The following DSCAM variants were observed in gnomAD, a reference collection of about 807,000 sequenced individuals.
DSCAM encodes DS cell adhesion molecule, also known as cell adhesion molecule DSCAM.
DSCAM carries 47 observed loss-of-function variants against 217.7 expected under a neutral mutation model. That is an observed-to-expected ratio of 0.22 (90% CI 0.17 to 0.28). The LOEUF is 0.28. DSCAM is among the 10% of genes least tolerant of loss of function. DSCAM has a pLI of 1.00. For missense variants in DSCAM, 2,080 were observed against 2,618.3 expected (o/e 0.79, Z 4.49); for synonymous variants, 1,056 against 1,015.3 (o/e 1.04, Z -0.76).
intron 3 of DSCAM, among the ~76,000 whole-genome samples, chr21:40,480,305 C>A (rs1455204767): frequency 1.3e-5 from 2 of 152,184 alleles, no homozygotes; most frequent in Non-Finnish European, 2.9e-5. Context: ...ATCACTAACA[C>A]ATGAGATAAA....
At chr21:40,303,361 G>T (rs1342685292) in intron 9 of DSCAM, among the ~76,000 whole-genome samples, 2 of 151,896 alleles carry the variant, frequency 1.3e-5, no homozygotes, top group African/African-American at 2.4e-5. Flanking sequence ...TCTCTGCTTG[G>T]AACTCGCTTC....
At chr21:40,501,888 C>CGGCTAAT (rs1432032932) in intron 3 of DSCAM, among the ~76,000 whole-genome samples, 1 of 152,200 alleles carries the variant, frequency 6.6e-6, no homozygotes, top group Non-Finnish European at 1.5e-5. Flanking sequence ...GCCACAGCGC[C>CGGCTAAT]GGCTAATGGA....
chr21:40,053,679 ATT>A (rs1290073011), intron 29 of DSCAM, among the ~76,000 whole-genome samples: 1 of 152,166 alleles, frequency 6.6e-6, no homozygotes, highest in African/African-American at 2.4e-5. Flanking sequence ...CCATCGACCC[ATT>A]GTCAGGCATC....
At chr21:40,262,684 T>C (rs1334905820) in intron 11 of DSCAM, among the ~76,000 whole-genome samples, 1 of 152,190 alleles carries the variant, frequency 6.6e-6, no homozygotes, top group East Asian at 1.9e-4. Context: ...CTTTAGCTCA[T>C]GACAAGAATA....
rs1490666344 is a variant in DSCAM at position 40,780,421 on chromosome 21, G to GTATATATA, written c.43+66197_43+66198insTATATATA. On this transcript the variant is annotated intron_variant, in intron 1 of 32. Coordinates refer to ENST00000400454, the MANE Select transcript of DSCAM (RefSeq NM_001389.5). ...AACGTGTGTGTGTGTGTGTGTGTGT[G>GTATATATA]TGTATATATATATATATATATATAT... Among the ~76,000 whole-genome samples, 6 of 48,038 alleles carry GTATATATA rather than the reference G, an allele frequency of 1.2e-4. No homozygotes were observed. In the East Asian group the frequency reaches 1.9e-3, roughly 15 times the overall value. The allele number at this position is 48,038 out of a possible 152,430, so 31.5% of individuals were successfully genotyped here.
chr21:40,224,841 A>T (rs409826), intron 11 of DSCAM, among the ~76,000 whole-genome samples: 84,182 of 152,098 alleles, frequency 0.55, 25,208 homozygotes, highest in African/African-American at 0.79. Flanking sequence ...GCCAGTGAAT[A>T]TTCAAGTTAA....
chr21:40,819,442 A>C (rs1287231677), intron 1 of DSCAM, among the ~76,000 whole-genome samples: 2 of 152,224 alleles, frequency 1.3e-5, no homozygotes, highest in African/African-American at 4.8e-5. Context: ...CTCAGGAAAC[A>C]ACAAGGGCCA....
At chr21:40,196,439 G>A (rs2091009817) in intron 11 of DSCAM, among the ~76,000 whole-genome samples, 1 of 152,148 alleles carries the variant, frequency 6.6e-6, no homozygotes, top group Non-Finnish European at 1.5e-5. Context: ...CGTTGGCTCA[G>A]AGTCCCTGGG....
chr21:40,142,450 G>A, intron 18 of DSCAM, 108 bp downstream of exon 18: 4 of 1,224,878 alleles, frequency 3.3e-6, no homozygotes, highest in Non-Finnish European at 4.5e-6. Flanking sequence ...TATTGATAAA[G>A]AGGTGCCCGC....
chr21:40,274,884 T>C (rs1416079357), intron 11 of DSCAM, among the ~76,000 whole-genome samples: 3 of 152,212 alleles, frequency 2.0e-5, no homozygotes, highest in African/African-American at 7.2e-5. Flanking sequence ...TTAGGATGGA[T>C]ACTTGTCTGT....
At chr21:40,318,902 T>C (rs1041323432) in intron 8 of DSCAM, among the ~76,000 whole-genome samples, 3 of 151,510 alleles carry the variant, frequency 2.0e-5, no homozygotes, top group South Asian at 2.1e-4. Context: ...AAGGCAAGAG[T>C]GAGCCAGTGG....
chr21:40,836,352 G>T (rs1028791983), intron 1 of DSCAM, among the ~76,000 whole-genome samples: 1 of 152,148 alleles, frequency 6.6e-6, no homozygotes, highest in Admixed American at 6.5e-5. Context: ...CTAACAGGAA[G>T]AAAAAATGGT....
intron 12 of DSCAM, among the ~76,000 whole-genome samples, chr21:40,188,356 GC>G (rs1240937585): frequency 6.6e-6 from 1 of 152,080 alleles, no homozygotes; most frequent in Non-Finnish European, 1.5e-5. Flanking sequence ...GGTATCCAAA[GC>G]AACCATGCCT....
At chr21:40,037,389 C>T (rs1329834213) in intron 32 of DSCAM, among the ~76,000 whole-genome samples, 4 of 146,460 alleles carry the variant, frequency 2.7e-5, no homozygotes, top group African/African-American at 1.1e-4. Flanking sequence ...AACAGAGAGC[C>T]AAATCATGAG....
intron 3 of DSCAM, among the ~76,000 whole-genome samples, chr21:40,665,480 A>G (rs1188671271): frequency 6.6e-6 from 1 of 151,928 alleles, no homozygotes; most frequent in Non-Finnish European, 1.5e-5. Flanking sequence ...TCCTCTCCGC[A>G]CTTTCATTTT....
chr21:40,020,514 G>GGTGTGT (rs368437369), intron 32 of DSCAM, among the ~76,000 whole-genome samples: 1 of 149,984 alleles, frequency 6.7e-6, no homozygotes, highest in Non-Finnish European at 1.5e-5. Flanking sequence ...AGAAAAGTGT[G>GGTGTGT]GTGTGTGTGT....
intron 32 of DSCAM, among the ~76,000 whole-genome samples, chr21:40,032,068 C>T (rs1179156106): frequency 1.3e-5 from 2 of 152,168 alleles, no homozygotes; most frequent in Non-Finnish European, 2.9e-5. Context: ...AACTCAGCTC[C>T]TTCTGTGGGA....
chr21:40,743,776 G>T (rs2091148275), intron 1 of DSCAM, among the ~76,000 whole-genome samples: 1 of 152,082 alleles, frequency 6.6e-6, no homozygotes, highest in Non-Finnish European at 1.5e-5. Flanking sequence ...ATTTTTCTTT[G>T]TTCTCATGAT....
chr21:40,539,280 G>A (rs1322303328), intron 3 of DSCAM, among the ~76,000 whole-genome samples: 2 of 152,036 alleles, frequency 1.3e-5, no homozygotes, highest in Non-Finnish European at 2.9e-5. Flanking sequence ...TGAGGCGGGC[G>A]GATCACGAGG....
Sources: gnomAD v4.1 joint callset for allele counts (sites outside exome capture counted in the v4.1 genomes callset) on GRCh38, gnomAD v4.1.1 for gene constraint, MANE v1.5 for transcripts, NCBI Gene and HGNC (gene_info 2026-07-23, HGNC 2026-07-21) for gene names.